Variants in CDKAL1 observed in about 807,000 individuals in gnomAD.
The protein encoded by CDKAL1 is CDKAL1 threonylcarbamoyladenosine tRNA methylthiotransferase.
A neutral mutation model predicts 68.2 loss-of-function variants in CDKAL1; 32 were observed. The ratio of observed to expected loss-of-function variants is 0.47; its 90% CI spans 0.35 to 0.63. The LOEUF (loss-of-function observed/expected upper bound fraction) is 0.63, where lower values mean the gene tolerates loss of function less well. Ranked by LOEUF, CDKAL1 falls within the 30% of genes least tolerant of loss-of-function variation. The pLI is 0.00. For synonymous variants in CDKAL1, 234 were observed against 244.3 expected, an observed-to-expected ratio of 0.96 and a Z score of 0.39; for missense variants, 606 against 696.7, an observed-to-expected ratio of 0.87 and a Z score of 1.47.
chr6:21,161,957 G>C (rs1225224767), intron 13 of CDKAL1, among the ~76,000 whole-genome samples: 1 of 152,174 alleles, frequency 6.6e-6, no homozygotes, highest in Non-Finnish European at 1.5e-5. Flanking sequence ...CATTAATTCA[G>C]CACTTGAATG....
At chr6:21,172,659 A>AT (rs985161654) in intron 13 of CDKAL1, among the ~76,000 whole-genome samples, 2 of 152,172 alleles carry the variant, frequency 1.3e-5, no homozygotes, top group Non-Finnish European at 2.9e-5. Flanking sequence ...CAGAAGGCTG[A>AT]GGGGGGAGGA....
intron 2 of CDKAL1, among the ~76,000 whole-genome samples, chr6:20,542,566 G>A (rs773241574): frequency 1.3e-5 from 2 of 148,970 alleles, no homozygotes; most frequent in Non-Finnish European, 2.9e-5. Context: ...AAGTATATAC[G>A]AGTGTATTCC....
At chr6:20,750,615 T>C (rs1773873785) in intron 6 of CDKAL1, among the ~76,000 whole-genome samples, 1 of 152,114 alleles carries the variant, frequency 6.6e-6, no homozygotes, top group South Asian at 2.1e-4. Flanking sequence ...CTAGGAATCA[T>C]TGGCAAAAAT....
intron 7 of CDKAL1, among the ~76,000 whole-genome samples, chr6:20,773,945 G>C (rs1022404738): frequency 6.6e-6 from 1 of 152,074 alleles, no homozygotes; most frequent in Non-Finnish European, 1.5e-5. Flanking sequence ...TGCTTCACTA[G>C]GAATATTTCC....
intron 8 of CDKAL1, among the ~76,000 whole-genome samples, chr6:20,838,004 T>TTATATATGTATACATCTACTTG (rs1468135171): frequency 1.3e-5 from 2 of 150,242 alleles, no homozygotes; most frequent in African/African-American, 4.9e-5. Context: ...TATATGATTT[T>TTATATATGTATACATCTACTTG]TATATATGTA....
chr6:20,972,386 G>A (rs1765641125), intron 10 of CDKAL1, among the ~76,000 whole-genome samples: 1 of 152,116 alleles, frequency 6.6e-6, no homozygotes, highest in African/African-American at 2.4e-5. Context: ...CTCTTCCTTA[G>A]CCTTTAGTTA....
rs574160660 is a variant in CDKAL1, at chr6:20,999,346, C to G, written c.910-881C>G. Among the ~76,000 whole-genome samples, 16 of 151,834 alleles carry G rather than the reference C, an allele frequency of 1.1e-4. No individual in the cohort carries two copies. In the South Asian group the frequency reaches 3.3e-3, roughly 32 times the overall value. ...ACAGCATGCAGCAGTGGAGAAGGGC[C>G]ACATTAGTCATCTTACCTAATGCTT... On this transcript the variant is annotated intron_variant, in intron 10 of 15. Transcript: ENST00000274695.
chr6:20,571,100 A>T (rs1764681999), intron 4 of CDKAL1, among the ~76,000 whole-genome samples: 2 of 152,286 alleles, frequency 1.3e-5, no homozygotes, highest in African/African-American at 4.8e-5. Flanking sequence ...CTAAAAAGAG[A>T]ATTATATTGA....
At chr6:20,584,102 A>G (rs192056060) in intron 4 of CDKAL1, among the ~76,000 whole-genome samples, 67 of 149,750 alleles carry the variant, frequency 4.5e-4, no homozygotes, top group African/African-American at 1.6e-3. Flanking sequence ...TTTGTTTTCA[A>G]TATCCTTACT....
chr6:20,828,022 T>C (rs947801106), intron 8 of CDKAL1, among the ~76,000 whole-genome samples: 1 of 152,164 alleles, frequency 6.6e-6, no homozygotes, highest in Non-Finnish European at 1.5e-5. Context: ...TCTTGTTCTG[T>C]CTGAAAACAG....
intron 8 of CDKAL1, among the ~76,000 whole-genome samples, chr6:20,816,243 A>G (rs2150432538): frequency 6.6e-6 from 1 of 152,148 alleles, no homozygotes; most frequent in Non-Finnish European, 1.5e-5. Flanking sequence ...ATAAAGTCAC[A>G]TTCACAGATT....
intron 5 of CDKAL1, among the ~76,000 whole-genome samples, chr6:20,703,792 A>C (rs986637422): frequency 2.0e-5 from 3 of 152,182 alleles, no homozygotes; most frequent in African/African-American, 7.2e-5. Context: ...GACTGTAGTA[A>C]GTGTAAAAAC....
chr6:21,078,064 G>A (rs1285732133), intron 12 of CDKAL1, among the ~76,000 whole-genome samples: 2 of 152,156 alleles, frequency 1.3e-5, no homozygotes, highest in African/African-American at 4.8e-5. Context: ...CTCCCCTAGA[G>A]CCTCCTGAAG....
At chr6:21,072,887 C>T (rs960252654) in intron 12 of CDKAL1, among the ~76,000 whole-genome samples, 4 of 152,108 alleles carry the variant, frequency 2.6e-5, no homozygotes, top group African/African-American at 9.7e-5. Context: ...AGGTGGTATA[C>T]ATTATATGGG....
At chr6:21,056,378 C>G (rs1408669032) in intron 11 of CDKAL1, among the ~76,000 whole-genome samples, 1 of 152,022 alleles carries the variant, frequency 6.6e-6, no homozygotes, top group Non-Finnish European at 1.5e-5. Flanking sequence ...GATTTTGTAT[C>G]CTGAGACTTT....
At chr6:20,771,702 G>A (rs975914554) in intron 7 of CDKAL1, among the ~76,000 whole-genome samples, 1 of 152,166 alleles carries the variant, frequency 6.6e-6, no homozygotes, top group African/African-American at 2.4e-5. Context: ...ATGGCTTGGT[G>A]CTGTACTGGC....
intron 13 of CDKAL1, among the ~76,000 whole-genome samples, chr6:21,196,933 G>A (rs541617843): frequency 3.3e-5 from 5 of 152,172 alleles, no homozygotes; most frequent in Non-Finnish European, 5.9e-5. Context: ...CGAGGCAGGC[G>A]GATCACCTGA....
At chr6:20,714,647 G>A (rs1281296238) in intron 5 of CDKAL1, among the ~76,000 whole-genome samples, 1 of 151,864 alleles carries the variant, frequency 6.6e-6, no homozygotes, top group Admixed American at 6.6e-5. Flanking sequence ...CCATTCACCT[G>A]ATATGGGTGA....
chr6:21,220,903 A>G (rs1463495534), intron 15 of CDKAL1, among the ~76,000 whole-genome samples: 1 of 152,164 alleles, frequency 6.6e-6, no homozygotes, highest in African/African-American at 2.4e-5. Flanking sequence ...ACGGTGGCTC[A>G]TACCTGTAAT....
Sources: gnomAD v4.1 joint callset for allele counts (sites outside exome capture counted in the v4.1 genomes callset) on GRCh38, gnomAD v4.1.1 for gene constraint, MANE v1.5 for transcripts, NCBI Gene and HGNC (gene_info 2026-07-23, HGNC 2026-07-21) for gene names.